RPL3L: variants seen among roughly 807,000 people sequenced by gnomAD.
The protein encoded by RPL3L is ribosomal protein L3 like.
Under a neutral mutation model 44.5 loss-of-function variants are expected in RPL3L, and 44 were observed. The observed-to-expected ratio is 0.99, with a 90% confidence interval of 0.78 to 1.27. RPL3L has a LOEUF of 1.27. RPL3L is among the 50% of genes most tolerant of loss of function. The probability of loss-of-function intolerance (pLI) is 0.00; values close to 1 mark genes in which losing one functional copy is unlikely to be tolerated. For synonymous variants in RPL3L, 292 were observed against 230.7 expected (o/e 1.27, Z -2.41); for missense variants, 631 against 569.1 (o/e 1.11, Z -1.11).
intron 2 of RPL3L, among the ~76,000 whole-genome samples, 167 bp from the exon 3 acceptor site, chr16:1,953,209 G>T (rs1428802028): frequency 6.6e-6 from 1 of 152,086 alleles, no homozygotes; most frequent in African/African-American, 2.4e-5. Context: ...TTATTCTAAT[G>T]ATTACAATGG....
At position 1,954,129 on chromosome 16, in the gene RPL3L, G is replaced by A. The variant is rs1448647528; in HGVS notation, c.23C>T (p.Ala8Val). The change falls in exon 2 of 10, where the codon GCC (alanine) becomes GTC (valine). Residue 8 changes from alanine (A) to valine (V), a missense_variant. Ala to Val is a moderately conservative substitution (Grantham distance 64, BLOSUM62 0). Coordinates refer to ENST00000268661, the MANE Select transcript of RPL3L (RefSeq NM_005061.3). Reference sequence around the variant, plus strand: ...GAAGCCCAGGTGTCCGTGCCGAGGGGCGGAAAACTTCCGGTGGGACTGGGG... The same window carrying A: ...GAAGCCCAGGTGTCCGTGCCGAGGGACGGAAAACTTCCGGTGGGACTGGGG... MSHRKFS[A>V]PRHGHLGFLP... 6.3e-7 allele frequency: 1 copy of A among 1,590,660 alleles called. No individual in the cohort carries two copies. The highest frequency in any genetic ancestry group is 1.8e-5 in the Admixed American group (1 of 56,304).
chr16:1,947,829 G>C (rs879349817), intron 4 of RPL3L, among the ~76,000 whole-genome samples: 1 of 152,152 alleles, frequency 6.6e-6, no homozygotes, highest in Non-Finnish European at 1.5e-5. Flanking sequence ...GTGGGACAGA[G>C]AGGAGACCAG....
Position 1,954,024 on chromosome 16 carries a change from A to G in RPL3L, c.128T>C (p.Leu43Pro). The stretch of plus-strand genomic sequence containing the variant: ...CGCCTTGTAGCCCAGGAAGGCCGTG[A>G]GGTGCACGGGCTGGCTGGGGTCATC... ...PRDDPSQPVH[L>P]TAFLGYKAGM... The change falls in exon 2 of 10, where the codon CTC (leucine) becomes CCC (proline). Residue 43 changes from leucine to proline, a missense_variant. Coordinates refer to ENST00000268661, the MANE Select transcript of RPL3L (RefSeq NM_005061.3). The G allele has an allele frequency of 6.2e-7, 1 of 1,605,002 alleles. No individual in the cohort carries two copies. The highest frequency in any genetic ancestry group is 8.5e-7 in the Non-Finnish European group (1 of 1,175,848).
At chr16:1,954,195 G>GTAGA in intron 1 of RPL3L, 47 bp from the exon 2 acceptor site, 1 of 1,484,990 alleles carries the variant, frequency 6.7e-7, no homozygotes, top group East Asian at 2.4e-5. Flanking sequence ...GTCCCTGGTG[G>GTAGA]TAGAGCTGGA....
Position 1,954,675 on chromosome 16 carries a change from C to G in RPL3L, c.-44G>C. The G allele has an allele frequency of 6.7e-7, 1 of 1,498,718 alleles. No individual in the cohort carries two copies. The highest frequency in any genetic ancestry group is 8.9e-7 in the Non-Finnish European group (1 of 1,122,216). 92.8% of individuals were successfully genotyped at this position (1,498,718 alleles called of 1,614,324 possible). A position where few individuals can be genotyped will look rare whatever the true frequency, so the allele number is the denominator to read the frequency against. On this transcript the variant is annotated 5_prime_UTR_variant, in exon 1 of 10. Coordinates refer to ENST00000268661, the MANE Select transcript of RPL3L (RefSeq NM_005061.3). The stretch of plus-strand genomic sequence containing the variant: ...GTCAGGAAGGGGCCTCGCCGCTAGC[C>G]GCCAGAGGTCGAGTGGCAGGGCCAG...
intron 5 of RPL3L, 42 bp from the exon 6 acceptor site, chr16:1,947,140 C>G (rs2083128627): frequency 6.2e-7 from 1 of 1,613,006 alleles, no homozygotes; most frequent in Non-Finnish European, 8.5e-7. Context: ...CCAGGCTGGT[C>G]CCCACTGCCT....
intron 4 of RPL3L, among the ~76,000 whole-genome samples, chr16:1,949,750 G>A (rs1347219182): frequency 2.6e-4 from 28 of 106,050 alleles, no homozygotes; most frequent in Middle Eastern, 4.9e-3. Flanking sequence ...AGGTATGTAC[G>A]GGGCAGGTAT....
chr16:1,951,775 A>C (rs1254840294), intron 3 of RPL3L, among the ~76,000 whole-genome samples: 2 of 146,936 alleles, frequency 1.4e-5, no homozygotes, highest in Non-Finnish European at 3.0e-5. Context: ...TATTATTCCC[A>C]TTCTATAGGT....
At position 1,951,849 on chromosome 16, in the gene RPL3L, T is replaced by C. The variant is rs2083174067; in HGVS notation, c.366-870A>G. ...AAGATTTGAGGCCCGAGAATACCTT[T>C]CTATGTGTAAGAGCTTCTCAGCTGG... is the stretch of plus-strand genomic sequence containing the variant. On this transcript the variant is annotated intron_variant, in intron 3 of 9. Coordinates refer to ENST00000268661, the MANE Select transcript of RPL3L (RefSeq NM_005061.3). 2.0e-5 allele frequency among the ~76,000 whole-genome samples: 3 copies of C among 151,346 alleles called. No individual in the cohort carries two copies. The South Asian group carries it at 6.2e-4, about 31-fold the overall frequency.
chr16:1,945,914 T>C lies in RPL3L; in HGVS notation c.968A>G (p.Tyr323Cys), dbSNP rs892751911. Reference sequence around the variant, plus strand: ...GACGAAGTCGTTGTTCACTTCCCCGTAGTGGGGGAAGCCACCCTGCAGAGG... The same window carrying C: ...GACGAAGTCGTTGTTCACTTCCCCGCAGTGGGGGAAGCCACCCTGCAGAGG... ...SITPLGGFPH[Y>C]GEVNNDFVML... Residue 323 changes from tyrosine to cysteine, a missense_variant, in exon 8 of 10, where the codon TAC becomes TGC. Coordinates refer to ENST00000268661, the MANE Select transcript of RPL3L (RefSeq NM_005061.3). 1.9e-6 allele frequency: 3 copies of C among 1,612,118 alleles called. No individual in the cohort carries two copies. The highest frequency in any genetic ancestry group is 2.2e-5 in the East Asian group (1 of 44,862).
chr16:1,954,598 C>A (rs2083194695), intron 1 of RPL3L, 31 bp downstream of exon 1: 1 of 1,543,692 alleles, frequency 6.5e-7, no homozygotes, highest in Non-Finnish European at 8.7e-7. Context: ...CAGCTCCAAC[C>A]CCAGCCCACC....
At chr16:1,948,878 C>A (rs2083146135) in intron 4 of RPL3L, among the ~76,000 whole-genome samples, 2 of 152,146 alleles carry the variant, frequency 1.3e-5, no homozygotes, top group Admixed American at 1.3e-4. Context: ...CTACGCCTGG[C>A]TAATTTTTTG....
chr16:1,946,086 G>C (rs1378491948), intron 7 of RPL3L, among the ~76,000 whole-genome samples, 156 bp from the exon 8 acceptor site: 2 of 152,240 alleles, frequency 1.3e-5, no homozygotes. Context: ...CGCCCCTACT[G>C]AGGGCAGCAT....
intron 4 of RPL3L, among the ~76,000 whole-genome samples, chr16:1,948,064 A>G (rs1475506220): frequency 6.7e-6 from 1 of 148,198 alleles, no homozygotes; most frequent in Non-Finnish European, 1.5e-5. Flanking sequence ...CAGCCTCCTG[A>G]GTAGCTGGGA....
intron 4 of RPL3L, among the ~76,000 whole-genome samples, chr16:1,949,978 G>T (rs2083159694): frequency 7.4e-6 from 1 of 134,756 alleles, no homozygotes; most frequent in Non-Finnish European, 1.6e-5. Context: ...TATGGACGGG[G>T]CAGGTATGGA....
Position 1,954,001 on chromosome 16 carries a change from C to A in RPL3L, c.151G>T (p.Ala51Ser). 6.3e-7 allele frequency: 1 copy of A among 1,599,580 alleles called. No homozygotes were observed. Among genetic ancestry groups the A allele is most frequent in the South Asian group, 1.1e-5 (1 of 89,594 alleles). Residue 51 changes from alanine to serine, a missense_variant, in exon 2 of 10, where the codon GCG becomes TCG. Ala to Ser is a moderately conservative substitution (Grantham distance 99, BLOSUM62 1). Transcript: ENST00000268661. The part of the protein sequence containing the change: ...VHLTAFLGYK[A>S]GMTHTLREVH... ...TCCCGCAGGGTGTGGGTCATGCCCGCCTTGTAGCCCAGGAAGGCCGTGAGG... is the reference window on the plus strand; with the variant it reads ...TCCCGCAGGGTGTGGGTCATGCCCGACTTGTAGCCCAGGAAGGCCGTGAGG...
intron 4 of RPL3L, among the ~76,000 whole-genome samples, chr16:1,950,077 G>T (rs1278192268): frequency 2.7e-5 from 3 of 109,642 alleles, no homozygotes; most frequent in Admixed American, 9.3e-5. Flanking sequence ...GGCAGGTATG[G>T]ACGGGGCAGG....
intron 3 of RPL3L, among the ~76,000 whole-genome samples, chr16:1,951,459 G>A (rs1254208687): frequency 6.6e-6 from 1 of 151,828 alleles, no homozygotes; most frequent in African/African-American, 2.4e-5. Context: ...ACAGCTCACT[G>A]CAGCCTGGAG....
intron 1 of RPL3L, 142 bp from the exon 2 acceptor site, chr16:1,954,290 G>C (rs2083192314): frequency 2.1e-6 from 2 of 955,514 alleles, no homozygotes; most frequent in South Asian, 3.9e-5. Flanking sequence ...CTGCCTACAG[G>C]AGGGGAGAGG....
Sources: allele counts gnomAD v4.1 joint callset (sites outside exome capture counted in the v4.1 genomes callset), GRCh38; gene constraint gnomAD v4.1.1; transcripts MANE v1.5; gene names NCBI Gene and HGNC (gene_info 2026-07-23, HGNC 2026-07-21).